ATR: variants seen among roughly 807,000 people sequenced by gnomAD.
The protein encoded by ATR is serine/threonine-protein kinase ATR.
In ATR, 142 loss-of-function variants were observed where a neutral mutation model predicts 305.3. The observed-to-expected ratio is 0.47, with a 90% CI of 0.41 to 0.53. The LOEUF (loss-of-function observed/expected upper bound fraction) is 0.53. Among genes scored for constraint, ATR ranks in the 20% least tolerant of loss-of-function variants. The probability of loss-of-function intolerance (pLI) is 0.00; values close to 1 mark genes in which losing one functional copy is unlikely to be tolerated. For synonymous variants in ATR, 1,050 were observed against 1,068.1 expected (o/e 0.98, Z 0.33); for missense variants, 2,135 against 3,133.1 (o/e 0.68, Z 7.60).
At chr3:142,546,706 C>G (rs1311637683) in intron 16 of ATR, among the ~76,000 whole-genome samples, 2 of 152,056 alleles carry the variant, frequency 1.3e-5, no homozygotes, top group Non-Finnish European at 2.9e-5. Context: ...AAAAGAAAAT[C>G]AAGACAATGT....
At chr3:142,557,971 A>G (rs1352313315) in intron 8 of ATR, among the ~76,000 whole-genome samples, 6 of 152,080 alleles carry the variant, frequency 3.9e-5, no homozygotes, top group Non-Finnish European at 8.8e-5. Context: ...TTGGTATAAG[A>G]ATTTTTGGTA....
chr3:142,545,666 G>A (rs1417474154), intron 16 of ATR, among the ~76,000 whole-genome samples: 1 of 146,734 alleles, frequency 6.8e-6, no homozygotes, highest in Non-Finnish European at 1.5e-5. Context: ...AGAACCATTA[G>A]GAGATGTTCA....
At chr3:142,551,964 C>G (rs896206086) in intron 13 of ATR, among the ~76,000 whole-genome samples, 19 of 152,096 alleles carry the variant, frequency 1.2e-4, no homozygotes, top group African/African-American at 4.6e-4. Context: ...AGAACTTAAA[C>G]AAATTTACAA....
intron 28 of ATR, among the ~76,000 whole-genome samples, chr3:142,506,023 G>C (rs1249679653): frequency 6.6e-6 from 1 of 152,202 alleles, no homozygotes; most frequent in Non-Finnish European, 1.5e-5. Context: ...AAGAAAATGA[G>C]GGCTGGGAAA....
At chr3:142,478,496 T>A (rs954350952) in intron 36 of ATR, among the ~76,000 whole-genome samples, 38 of 152,130 alleles carry the variant, frequency 2.5e-4, no homozygotes, top group African/African-American at 8.4e-4. Flanking sequence ...TGCTGAGGAG[T>A]GCTTTACTTC....
At chr3:142,471,313 A>T (rs951489485) in intron 36 of ATR, among the ~76,000 whole-genome samples, 1 of 152,234 alleles carries the variant, frequency 6.6e-6, no homozygotes, top group Admixed American at 6.5e-5. Context: ...ATAATATTCC[A>T]TTGTGTCTAC....
intron 10 of ATR, among the ~76,000 whole-genome samples, chr3:142,554,227 CTT>C (rs887155754): frequency 6.8e-6 from 1 of 147,550 alleles, no homozygotes. Context: ...ATAAATGTCA[CTT>C]TTTTTTTTTG....
chr3:142,490,338 G>A (rs975363343), intron 35 of ATR, among the ~76,000 whole-genome samples: 2 of 152,204 alleles, frequency 1.3e-5, no homozygotes, highest in Non-Finnish European at 2.9e-5. Flanking sequence ...TTACAGGCCT[G>A]AGCCACTGTG....
At chr3:142,552,344 T>C (rs2034502655) in intron 13 of ATR, among the ~76,000 whole-genome samples, 1 of 152,172 alleles carries the variant, frequency 6.6e-6, no homozygotes, top group Admixed American at 6.5e-5. Flanking sequence ...TAAAGATACA[T>C]GCACATGTAG....
chr3:142,467,622 A>C (rs1044149657), intron 39 of ATR, among the ~76,000 whole-genome samples: 5 of 152,156 alleles, frequency 3.3e-5, no homozygotes, highest in African/African-American at 4.8e-5. Flanking sequence ...TTACATACTT[A>C]TATTTTTATG....
In ATR at chr3:142,497,315, C is replaced by T. The variant is rs1420311591; in HGVS notation, c.5559-123G>A. 21 of 942,224 alleles carry T rather than the reference C, an allele frequency of 2.2e-5. 1 individual carries two copies. The South Asian group carries it at 2.5e-4, about 11-fold the overall frequency. 58.4% of individuals were successfully genotyped at this position (942,224 alleles called of 1,614,324 possible). On this transcript the variant is annotated intron_variant, in intron 32 of 46. Transcript: ENST00000350721. ...AAATACACAGTTGTCTTTGGTAGAA[C>T]TTTAATATATCCTTGCTAAGTAAAT...
chr3:142,578,511 G>C (rs2035513494), intron 1 of ATR, 135 bp downstream of exon 1: 1 of 1,040,420 alleles, frequency 9.6e-7, no homozygotes, highest in Non-Finnish European at 1.4e-6. Flanking sequence ...AATCAGCCAC[G>C]GAGCATCTCC....
chr3:142,572,764 T>TG (rs994625578), intron 1 of ATR, among the ~76,000 whole-genome samples: 4 of 151,616 alleles, frequency 2.6e-5, no homozygotes, highest in Non-Finnish European at 5.9e-5. Context: ...ACCAGACCCC[T>TG]GTCTCCAAAA....
At chr3:142,536,907 A>G (rs2033881351) in intron 19 of ATR, among the ~76,000 whole-genome samples, 1 of 152,218 alleles carries the variant, frequency 6.6e-6, no homozygotes, top group South Asian at 2.1e-4. Flanking sequence ...AAAATACATA[A>G]ATAATCCTTG....
intron 25 of ATR, 43 bp from the exon 26 acceptor site, chr3:142,513,681 T>G (rs776438270): frequency 1.3e-6 from 2 of 1,593,456 alleles, no homozygotes; most frequent in South Asian, 2.2e-5. Flanking sequence ...CTTTCACATA[T>G]TGATTAAATG....
chr3:142,556,208 T>A (rs2108472375), intron 9 of ATR, 69 bp from the exon 10 acceptor site: 1 of 1,571,882 alleles, frequency 6.4e-7, no homozygotes. Context: ...TCTTGCTTAA[T>A]TTGGGACAAA....
intron 36 of ATR, among the ~76,000 whole-genome samples, chr3:142,480,464 G>C (rs2030348659): frequency 6.6e-6 from 1 of 152,230 alleles, no homozygotes; most frequent in Non-Finnish European, 1.5e-5. Flanking sequence ...TCTCAAAGGG[G>C]TACCCGGCCG....
At chr3:142,543,630 A>C (rs2034146255) in intron 16 of ATR, among the ~76,000 whole-genome samples, 3 of 118,926 alleles carry the variant, frequency 2.5e-5, no homozygotes, top group East Asian at 2.4e-4. Context: ...CTTCCTTTCT[A>C]TTTCTTTCTT....
intron 20 of ATR, among the ~76,000 whole-genome samples, chr3:142,535,569 CAAGGTGACACCT>C (rs1213847397): frequency 6.6e-6 from 1 of 152,120 alleles, no homozygotes; most frequent in Non-Finnish European, 1.5e-5. Context: ...TTTCACTACC[CAAGGTGACACCT>C]AAGGTCAGGT....
Sources: allele counts gnomAD v4.1 joint callset (sites outside exome capture counted in the v4.1 genomes callset), GRCh38; gene constraint gnomAD v4.1.1; transcripts MANE v1.5; gene names NCBI Gene and HGNC (gene_info 2026-07-23, HGNC 2026-07-21).